Variants in GLIS1 observed in about 807,000 individuals in gnomAD.
GLIS1 encodes GLIS family zinc finger 1.
A neutral mutation model predicts 63.8 loss-of-function variants in GLIS1; 24 were observed. That is an observed-to-expected ratio of 0.38 (90% CI 0.27 to 0.53). The LOEUF is 0.53. Among genes scored for constraint, GLIS1 ranks in the 20% least tolerant of loss-of-function variants. The pLI, the probability that GLIS1 is intolerant of heterozygous loss-of-function variation, is 0.85. For synonymous variants in GLIS1, 450 were observed against 482.5 expected (o/e 0.93, Z 0.88); for missense variants, 1,036 against 1,074.1 (o/e 0.96, Z 0.50).
intron 4 of GLIS1, among the ~76,000 whole-genome samples, chr1:53,566,609 C>T (rs879888297): frequency 2.0e-5 from 3 of 152,150 alleles, no homozygotes; most frequent in African/African-American, 7.2e-5. Flanking sequence ...AAATAATCCC[C>T]ATATTTCGGG....
rs199724441 is a variant in GLIS1 at position 53,506,658 on chromosome 1, G to A, written c.2349C>T (p.His783=). 6.3e-7 allele frequency: 1 copy of A among 1,593,850 alleles called. No individual in the cohort carries two copies. Among genetic ancestry groups the A allele is most frequent in the African/African-American group, 1.4e-5 (1 of 71,208 alleles). ...CGFFPNGAFD[H]CLGHIPSIYT... is the part of the protein sequence containing the mutation. ...AGATGGAGGGGATGTGGCCCAGGCA[G>A]TGGTCAAAGGCTCCATTGGGGAAGA... Residue 783 remains histidine, a synonymous_variant, in exon 11 of 11, where the codon CAC becomes CAT. Coordinates refer to ENST00000628545, the MANE Select transcript of GLIS1 (RefSeq NM_001367484.1).
chr1:53,674,333 C>G (rs1479617437), intron 2 of GLIS1, among the ~76,000 whole-genome samples: 2 of 152,162 alleles, frequency 1.3e-5, no homozygotes, highest in Admixed American at 1.3e-4. Context: ...AATCCAAATT[C>G]TCACCCCAAC....
At chr1:53,550,282 A>G (rs1644745034) in intron 4 of GLIS1, among the ~76,000 whole-genome samples, 1 of 152,230 alleles carries the variant, frequency 6.6e-6, no homozygotes, top group Non-Finnish European at 1.5e-5. Context: ...CACCAGAAGC[A>G]GCTCAGCCCC....
intron 2 of GLIS1, among the ~76,000 whole-genome samples, chr1:53,686,953 C>T (rs1409841958): frequency 6.6e-6 from 1 of 152,240 alleles, no homozygotes. Flanking sequence ...AGTGTTGAGC[C>T]CTTTCTTTGC....
chr1:53,699,956 G>A (rs1335442670), intron 2 of GLIS1, among the ~76,000 whole-genome samples: 1 of 152,168 alleles, frequency 6.6e-6, no homozygotes, highest in Non-Finnish European at 1.5e-5. Flanking sequence ...AACTGAGGGA[G>A]ATATACAACC....
chr1:53,613,911 C>T (rs1332188117), intron 2 of GLIS1, among the ~76,000 whole-genome samples: 1 of 152,206 alleles, frequency 6.6e-6, no homozygotes, highest in Non-Finnish European at 1.5e-5. Context: ...ATGAATTTGC[C>T]TCATCACAAG....
chr1:53,698,260 A>G (rs1218284270), intron 2 of GLIS1, among the ~76,000 whole-genome samples: 2 of 152,140 alleles, frequency 1.3e-5, no homozygotes, highest in Non-Finnish European at 2.9e-5. Flanking sequence ...ATCCCCTCGG[A>G]ACGCACTCCA....
intron 3 of GLIS1, among the ~76,000 whole-genome samples, chr1:53,595,464 G>A (rs932631611): frequency 1.3e-5 from 2 of 152,154 alleles, no homozygotes; most frequent in Non-Finnish European, 2.9e-5. Flanking sequence ...AGGCTGCAGG[G>A]AGCCAAGGTC....
Position 53,560,450 on chromosome 1 carries a change from G to A in GLIS1, c.1321-30498C>T, listed in dbSNP as rs1002087151. Among the ~76,000 whole-genome samples the A allele has an allele frequency of 2.6e-5, 4 of 152,192 alleles. No individual in the cohort carries two copies. Among genetic ancestry groups the A allele is most frequent in the African/African-American group, 7.2e-5 (3 of 41,444 alleles). ...GTTCCACTGGCAGACGGACAGTTCC[G>A]GTCGGGAGATATCTGGTCCACACAC... is the stretch of plus-strand genomic sequence containing the variant. On this transcript the variant is annotated intron_variant, in intron 4 of 10. Transcript: ENST00000628545. This position sits in a 1 kb window ranked among gnomAD's most constrained non-coding sequence, Gnocchi z 4.4.
intron 2 of GLIS1, among the ~76,000 whole-genome samples, chr1:53,627,664 G>C (rs1029250445): frequency 6.6e-6 from 1 of 152,154 alleles, no homozygotes; most frequent in Admixed American, 6.5e-5. Flanking sequence ...GGTTTTGTTC[G>C]TATTTATTAT....
intron 2 of GLIS1, among the ~76,000 whole-genome samples, chr1:53,653,661 C>T (rs1445803258): frequency 6.6e-6 from 1 of 152,186 alleles, no homozygotes; most frequent in Non-Finnish European, 1.5e-5. Flanking sequence ...ATTCCTTCTT[C>T]CTGCGGCACA....
At chr1:53,684,420 G>A (rs1646308810) in intron 2 of GLIS1, among the ~76,000 whole-genome samples, 1 of 152,160 alleles carries the variant, frequency 6.6e-6, no homozygotes, top group Non-Finnish European at 1.5e-5. Context: ...TGGGCTTTTT[G>A]TGGTCAGGAC....
At chr1:53,522,681 G>A (rs562647685) in intron 6 of GLIS1, among the ~76,000 whole-genome samples, 25 of 152,242 alleles carry the variant, frequency 1.6e-4, no homozygotes, top group African/African-American at 5.8e-4. Context: ...GGCCAAGGTG[G>A]AAGGATTACT....
At chr1:53,616,722 T>C (rs1269644109) in intron 2 of GLIS1, among the ~76,000 whole-genome samples, 1 of 152,022 alleles carries the variant, frequency 6.6e-6, no homozygotes, top group Non-Finnish European at 1.5e-5. Flanking sequence ...TGGGGGACAA[T>C]GCAGACACCC....
chr1:53,522,955 G>A (rs532014267), intron 6 of GLIS1, among the ~76,000 whole-genome samples: 3 of 147,910 alleles, frequency 2.0e-5, no homozygotes, highest in East Asian at 2.0e-4. Flanking sequence ...CCACACCTAC[G>A]GTTGTAGTTT....
intron 2 of GLIS1, among the ~76,000 whole-genome samples, chr1:53,713,098 G>A (rs144462400): frequency 3.5e-4 from 54 of 152,340 alleles, no homozygotes; most frequent in African/African-American, 1.3e-3. Context: ...AAGTATAAAC[G>A]GAGACAGAGA....
intron 3 of GLIS1, among the ~76,000 whole-genome samples, chr1:53,596,344 A>G (rs1645255022): frequency 6.6e-6 from 1 of 152,226 alleles, no homozygotes; most frequent in African/African-American, 2.4e-5. Flanking sequence ...AAAAGGGGAA[A>G]GGTCAGGAAA....
At chr1:53,644,866 T>C (rs914598836) in intron 2 of GLIS1, among the ~76,000 whole-genome samples, 3 of 152,320 alleles carry the variant, frequency 2.0e-5, no homozygotes, top group South Asian at 2.1e-4. Flanking sequence ...CAGATTCCAC[T>C]GGTATAAAAG....
At chr1:53,664,902 G>C (rs1646071515) in intron 2 of GLIS1, among the ~76,000 whole-genome samples, 1 of 152,182 alleles carries the variant, frequency 6.6e-6, no homozygotes, top group Non-Finnish European at 1.5e-5. Context: ...CCTGGGGCAA[G>C]AGCACAGATG....
Sources: allele counts gnomAD v4.1 joint callset (sites outside exome capture counted in the v4.1 genomes callset), GRCh38; gene constraint gnomAD v4.1.1; non-coding constraint Gnocchi (gnomAD v3.1); transcripts MANE v1.5; gene names NCBI Gene and HGNC (gene_info 2026-07-23, HGNC 2026-07-21).